The following DNAH11 variants were observed in gnomAD, a reference collection of about 807,000 sequenced individuals.
The protein encoded by DNAH11 is dynein axonemal heavy chain 11.
Under a neutral mutation model 526.0 loss-of-function variants are expected in DNAH11, and 442 were observed. The observed-to-expected ratio is 0.84, with a 90% confidence interval of 0.78 to 0.91. The LOEUF is 0.91. Among genes scored for constraint, DNAH11 ranks in the 40% least tolerant of loss-of-function variants. DNAH11 has a pLI of 0.00. For synonymous variants in DNAH11, 2,461 were observed against 1,935.9 expected (o/e 1.27, Z -7.12); for missense variants, 6,989 against 5,448.7 (o/e 1.28, Z -8.90).
chr7:21,713,023 G>A (rs927805738), intron 42 of DNAH11, among the ~76,000 whole-genome samples: 10 of 152,180 alleles, frequency 6.6e-5, no homozygotes, highest in African/African-American at 1.9e-4. Context: ...TTGCATGTAT[G>A]TATACTATCC....
chr7:21,836,953 C>T (rs528904139), intron 65 of DNAH11, among the ~76,000 whole-genome samples: 1 of 152,130 alleles, frequency 6.6e-6, no homozygotes, highest in East Asian at 1.9e-4. Context: ...ATAGACATTT[C>T]TCAGAAGACA....
chr7:21,815,114 C>G (rs1789722027), intron 63 of DNAH11, among the ~76,000 whole-genome samples: 1 of 152,104 alleles, frequency 6.6e-6, no homozygotes. Context: ...CCCTGGCTCT[C>G]TACTCTGCAC....
chr7:21,626,724 A>G (rs1242966054), intron 25 of DNAH11, among the ~76,000 whole-genome samples: 1 of 145,678 alleles, frequency 6.9e-6, no homozygotes, highest in African/African-American at 2.5e-5. Context: ...TTTTTCATGT[A>G]ACTGATGGCC....
chr7:21,807,376 A>G (rs1195358954), intron 62 of DNAH11, among the ~76,000 whole-genome samples: 4 of 152,224 alleles, frequency 2.6e-5, no homozygotes, highest in South Asian at 2.1e-4. Flanking sequence ...GTGCATGCCT[A>G]TAGTCCCAGC....
chr7:21,848,409 T>C (rs1397743112), intron 66 of DNAH11, among the ~76,000 whole-genome samples: 1 of 152,050 alleles, frequency 6.6e-6, no homozygotes, highest in African/African-American at 2.4e-5. Flanking sequence ...GTCTTGTTTT[T>C]TATCTACTAT....
chr7:21,724,671 TATAG>T (rs1785010801), intron 44 of DNAH11, among the ~76,000 whole-genome samples: 1 of 145,936 alleles, frequency 6.9e-6, no homozygotes, highest in Non-Finnish European at 1.5e-5. Context: ...ATCCTATGAA[TATAG>T]GAAACACTGG....
intron 20 of DNAH11, among the ~76,000 whole-genome samples, chr7:21,610,584 A>G (rs1785481497): frequency 6.6e-6 from 1 of 152,182 alleles, no homozygotes. Context: ...AAAGTTTCAG[A>G]TATTAGAAGG....
chr7:21,900,809 G>A, intron 81 of DNAH11, 198 bp from the exon 82 acceptor site: 1 of 731,132 alleles, frequency 1.4e-6, no homozygotes, highest in Non-Finnish European at 2.0e-6. Flanking sequence ...ACGCATGGAA[G>A]CAAAGCGGTG....
chr7:21,576,468 G>C (rs1583495596), intron 8 of DNAH11, among the ~76,000 whole-genome samples: 1 of 152,196 alleles, frequency 6.6e-6, no homozygotes, highest in Non-Finnish European at 1.5e-5. Flanking sequence ...AGACTCTCTT[G>C]AAAGATGTAA....
intron 79 of DNAH11, 85 bp from the exon 80 acceptor site, chr7:21,899,251 T>C (rs1784648013): frequency 1.9e-6 from 2 of 1,067,038 alleles, no homozygotes; most frequent in Non-Finnish European, 2.9e-6. Context: ...ACCACCACCC[T>C]GCCCTAACCG....
Position 21,559,123 on chromosome 7 carries a change from A to G in DNAH11, c.692+125A>G, listed in dbSNP as rs939678890. The G allele has an allele frequency of 1.4e-5, 10 of 731,492 alleles. No individual in the cohort carries two copies. In the African/African-American group the frequency reaches 1.8e-4, roughly 13 times the overall value. The allele number at this position is 731,492 out of a possible 1,614,324, so 45.3% of individuals were successfully genotyped here. On this transcript the variant is annotated intron_variant, in intron 3 of 81. Transcript: ENST00000409508. ...AGGGTTGCTTGATCCCAGGAGTTCAAGACTAGCCTGGGCAGCATAGTGAGA... is the reference window on the plus strand; with the variant it reads ...AGGGTTGCTTGATCCCAGGAGTTCAGGACTAGCCTGGGCAGCATAGTGAGA...
At chr7:21,552,372 C>G (rs1783055232) in intron 2 of DNAH11, among the ~76,000 whole-genome samples, 1 of 152,184 alleles carries the variant, frequency 6.6e-6, no homozygotes, top group South Asian at 2.1e-4. Flanking sequence ...TTTTGGAGTT[C>G]TCTCTTTGTC....
intron 43 of DNAH11, among the ~76,000 whole-genome samples, chr7:21,718,798 A>G (rs1310400008): frequency 6.6e-6 from 1 of 152,206 alleles, no homozygotes; most frequent in Non-Finnish European, 1.5e-5. Context: ...GTGTGTTACC[A>G]AATTTGTTTG....
chr7:21,802,389 C>T (rs901344185), intron 62 of DNAH11, among the ~76,000 whole-genome samples: 2 of 152,216 alleles, frequency 1.3e-5, no homozygotes, highest in African/African-American at 2.4e-5. Context: ...AATTGTTCTG[C>T]GTCTTTGGAA....
At chr7:21,876,875 G>T (rs1171649573) in intron 74 of DNAH11, among the ~76,000 whole-genome samples, 2 of 152,258 alleles carry the variant, frequency 1.3e-5, no homozygotes, top group Non-Finnish European at 2.9e-5. Flanking sequence ...TTACCTAGCT[G>T]CAAGAGAGGC....
intron 66 of DNAH11, among the ~76,000 whole-genome samples, chr7:21,852,238 CT>C (rs1210340301): frequency 6.6e-6 from 1 of 151,784 alleles, no homozygotes. Flanking sequence ...AACCCCGTCT[CT>C]ACTAAAATAC....
At position 21,648,482 on chromosome 7, in the gene DNAH11, C is replaced by T. The variant is rs955441711; in HGVS notation, c.4945-7350C>T. Among the ~76,000 whole-genome samples the T allele has an allele frequency of 5.9e-5, 9 of 152,310 alleles. No individual in the cohort carries two copies. The East Asian group carries it at 1.7e-3, about 29-fold the overall frequency. On this transcript the variant is annotated intron_variant, in intron 28 of 81. Transcript: ENST00000409508. Reference sequence around the variant, plus strand: ...AACCATCCCATCATGAATGGGTCAACCCTAGCCTGCTGGATAATGAGATGA... The same window carrying T: ...AACCATCCCATCATGAATGGGTCAATCCTAGCCTGCTGGATAATGAGATGA...
At chr7:21,753,024 A>C (rs1053864034) in intron 54 of DNAH11, among the ~76,000 whole-genome samples, 2 of 152,136 alleles carry the variant, frequency 1.3e-5, no homozygotes, top group African/African-American at 4.8e-5. Flanking sequence ...AAGCAGTCGG[A>C]ACTCAAATTG....
rs76461153 is a variant in DNAH11, at chr7:21,549,988, C to G, written c.495+4839C>G. Among the ~76,000 whole-genome samples, 6 of 152,270 alleles carry G rather than the reference C, an allele frequency of 3.9e-5. No individual in the cohort carries two copies. The South Asian group carries it at 1.2e-3, about 32-fold the overall frequency. On this transcript the variant is annotated intron_variant, in intron 2 of 81. Transcript: ENST00000409508. Reference sequence around the variant, plus strand: ...GTAGGGGGGAGTCCCCTGCCCGTTTCCATTTTGACCTGCTCTTTGTATAGT... The same window carrying G: ...GTAGGGGGGAGTCCCCTGCCCGTTTGCATTTTGACCTGCTCTTTGTATAGT...
Sources: gnomAD v4.1 joint callset for allele counts (sites outside exome capture counted in the v4.1 genomes callset) on GRCh38, gnomAD v4.1.1 for gene constraint, MANE v1.5 for transcripts, NCBI Gene and HGNC (gene_info 2026-07-23, HGNC 2026-07-21) for gene names.